Variants in FOCAD observed in about 807,000 individuals in gnomAD.
The protein encoded by FOCAD is focadhesin, also known as KIAA1797.
A neutral mutation model predicts 225.6 loss-of-function variants in FOCAD; 198 were observed. The observed-to-expected ratio is 0.88, with a 90% confidence interval of 0.78 to 0.99. FOCAD has a LOEUF of 0.99. Among genes scored for constraint, FOCAD ranks in the 50% least tolerant of loss-of-function variants. The pLI, the probability that FOCAD is intolerant of heterozygous loss-of-function variation, is 0.00. For synonymous variants in FOCAD, 897 were observed against 755.0 expected, an observed-to-expected ratio of 1.19 and a Z score of -3.08; for missense variants, 2,713 against 2,123.6, an observed-to-expected ratio of 1.28 and a Z score of -5.46.
rs749828283 is a variant in FOCAD at position 20,929,559 on chromosome 9, G to A, written c.3280G>A (p.Gly1094Arg). 5 of 1,614,116 alleles carry A rather than the reference G, an allele frequency of 3.1e-6. No homozygotes were observed. Among genetic ancestry groups the A allele is most frequent in the Non-Finnish European group, 2.5e-6 (3 of 1,180,004 alleles). ...AVQIHMGLAL[G>R]MFLSRLCEEK... ...GCAAATCCACATGGGCCTTGCTTTAGGGATGTTTCTCTCTCGCTTGTGTGA... is the reference window on the plus strand; with the variant it reads ...GCAAATCCACATGGGCCTTGCTTTAAGGATGTTTCTCTCTCGCTTGTGTGA... Residue 1094 changes from glycine (G) to arginine (R), a missense_variant, in exon 27 of 44, where the codon GGG becomes AGG. By Grantham distance (125) the Gly-to-Arg change is moderately radical. Transcript: ENST00000338382.
chr9:20,969,853 T>G (rs1839608977), intron 35 of FOCAD, among the ~76,000 whole-genome samples: 1 of 151,940 alleles, frequency 6.6e-6, no homozygotes, highest in Non-Finnish European at 1.5e-5. Context: ...ATTTTAGCCT[T>G]GAGGACTCCC....
intron 1 of FOCAD, among the ~76,000 whole-genome samples, chr9:20,702,644 T>C (rs1824055236): frequency 1.3e-5 from 2 of 152,208 alleles, no homozygotes; most frequent in African/African-American, 4.8e-5. Flanking sequence ...TATAAAAAGC[T>C]TTGACAGTAC....
At chr9:20,948,775 G>T (rs988724682) in intron 31 of FOCAD, 76 bp from the exon 32 acceptor site, 1 of 1,492,074 alleles carries the variant, frequency 6.7e-7, no homozygotes, top group East Asian at 2.3e-5. Flanking sequence ...TTATTTCTCC[G>T]TGTCCTCAGA....
chr9:20,977,922 G>A (rs557041778), intron 36 of FOCAD, among the ~76,000 whole-genome samples: 24 of 152,296 alleles, frequency 1.6e-4, no homozygotes, highest in Middle Eastern at 3.4e-3. Context: ...TTACTAGAAA[G>A]GCTTGATGAC....
intron 32 of FOCAD, 28 bp from the exon 33 acceptor site, chr9:20,949,576 G>A (rs201142329): frequency 2.0e-6 from 3 of 1,521,552 alleles, no homozygotes; most frequent in African/African-American, 2.8e-5. Flanking sequence ...GGGGTGGGTG[G>A]GATGGGTATT....
intron 11 of FOCAD, among the ~76,000 whole-genome samples, chr9:20,799,590 A>G (rs1308327061): frequency 6.6e-6 from 1 of 151,924 alleles, no homozygotes; most frequent in African/African-American, 2.4e-5. Flanking sequence ...TGATCCCTTT[A>G]CCATTATGTA....
chr9:20,695,534 C>G (rs1474196668), intron 1 of FOCAD, among the ~76,000 whole-genome samples: 2 of 152,118 alleles, frequency 1.3e-5, no homozygotes, highest in Non-Finnish European at 2.9e-5. Flanking sequence ...TCCCCTCATC[C>G]TACATTTATA....
chr9:20,808,810 CTAGTT>C (rs1822740675), intron 11 of FOCAD, among the ~76,000 whole-genome samples: 1 of 152,206 alleles, frequency 6.6e-6, no homozygotes, highest in Admixed American at 6.5e-5. Flanking sequence ...CTGCTACCTA[CTAGTT>C]CTATGTCCTT....
intron 4 of FOCAD, among the ~76,000 whole-genome samples, chr9:20,723,920 A>G (rs1378269174): frequency 1.3e-5 from 2 of 152,136 alleles, no homozygotes; most frequent in Non-Finnish European, 2.9e-5. Context: ...GGAAGCTTAC[A>G]GTCACGGTGG....
In FOCAD at chr9:20,727,098, C is replaced by A. The variant is rs541847107; in HGVS notation, c.287+6564C>A. On this transcript the variant is annotated intron_variant, in intron 4 of 43. Coordinates refer to ENST00000338382, the MANE Select transcript of FOCAD (RefSeq NM_001375567.1). ...GAGTGACAGAGTTGCTAGTCCATGT[C>A]TGTTTCCCATCTTGTCTTTTAAATA... Among the ~76,000 whole-genome samples, 12 of 152,228 alleles carry A rather than the reference C, an allele frequency of 7.9e-5. No individual in the cohort carries two copies. In the South Asian group the frequency reaches 2.5e-3, roughly 32 times the overall value.
chr9:20,752,145 A>G (rs1828616801), intron 5 of FOCAD, among the ~76,000 whole-genome samples: 1 of 150,460 alleles, frequency 6.6e-6, no homozygotes, highest in South Asian at 2.1e-4. Context: ...TTTGCTGTGC[A>G]GAAGCTCTTT....
chr9:20,991,009 TG>T (rs1180751727), intron 42 of FOCAD, among the ~76,000 whole-genome samples: 1 of 152,192 alleles, frequency 6.6e-6, no homozygotes, highest in Non-Finnish European at 1.5e-5. Flanking sequence ...TTTAGTTTGC[TG>T]TTCAGTCTAG....
At chr9:20,757,979 G>GT (rs1318232837) in intron 5 of FOCAD, 111 bp from the exon 6 acceptor site, 1 of 521,362 alleles carries the variant, frequency 1.9e-6, no homozygotes, top group African/African-American at 2.0e-5. Context: ...ATTATGAATC[G>GT]TGAAAAAAGT....
intron 11 of FOCAD, among the ~76,000 whole-genome samples, chr9:20,790,634 A>G (rs1820426620): frequency 6.6e-6 from 1 of 152,120 alleles, no homozygotes; most frequent in Non-Finnish European, 1.5e-5. Context: ...AGTCGGGTGC[A>G]GTGACATGCA....
At chr9:20,987,022 C>G (rs1311601302) in intron 40 of FOCAD, among the ~76,000 whole-genome samples, 3 of 152,112 alleles carry the variant, frequency 2.0e-5, no homozygotes, top group Admixed American at 6.5e-5. Flanking sequence ...GAGCGCTCCC[C>G]CATTGCTCTA....
intron 35 of FOCAD, among the ~76,000 whole-genome samples, chr9:20,955,936 GTTA>G (rs57846744): frequency 0.32 from 49,052 of 151,804 alleles, 8,124 homozygotes; most frequent in East Asian, 0.46. Context: ...CATTATTTTT[GTTA>G]TTATATTGCT....
chr9:20,833,297 C>T (rs1209233574), intron 15 of FOCAD, among the ~76,000 whole-genome samples: 2 of 151,798 alleles, frequency 1.3e-5, no homozygotes, highest in East Asian at 1.9e-4. Flanking sequence ...CAATAGCAGT[C>T]CTGAATGGTT....
chr9:20,888,535 C>T (rs957320070), intron 21 of FOCAD, among the ~76,000 whole-genome samples: 10 of 151,832 alleles, frequency 6.6e-5, no homozygotes, highest in East Asian at 1.9e-4. Flanking sequence ...TTGTTTAATC[C>T]GAGATTACAA....
intron 4 of FOCAD, among the ~76,000 whole-genome samples, chr9:20,731,617 A>G (rs942328625): frequency 2.4e-4 from 37 of 152,018 alleles, no homozygotes; most frequent in Non-Finnish European, 4.6e-4. Flanking sequence ...TTAAACATAT[A>G]TTTATATGTA....
Sources: allele counts gnomAD v4.1 joint callset (sites outside exome capture counted in the v4.1 genomes callset), GRCh38; gene constraint gnomAD v4.1.1; transcripts MANE v1.5; gene names NCBI Gene and HGNC (gene_info 2026-07-23, HGNC 2026-07-21).